Variants in DNAH12 observed in about 807,000 individuals in gnomAD.
DNAH12 encodes the protein dynein axonemal heavy chain 12.
DNAH12 carries 285 observed loss-of-function variants against 371.5 expected under a neutral mutation model. The ratio of observed to expected loss-of-function variants is 0.77; its 90% CI spans 0.70 to 0.85. The LOEUF (loss-of-function observed/expected upper bound fraction) is 0.85. Among genes scored for constraint, DNAH12 ranks in the 40% least tolerant of loss-of-function variants. The probability of loss-of-function intolerance (pLI) is 0.00; values close to 1 mark genes in which losing one functional copy is unlikely to be tolerated. For synonymous variants in DNAH12, 1,200 were observed against 1,213.0 expected (o/e 0.99, Z 0.22); for missense variants, 3,611 against 3,689.4 (o/e 0.98, Z 0.55).
intron 69 of DNAH12, among the ~76,000 whole-genome samples, chr3:57,305,357 C>T (rs62252003): frequency 0.13 from 20,347 of 151,940 alleles, 1,824 homozygotes; most frequent in Non-Finnish European, 0.2. Flanking sequence ...GGCTGCTCCT[C>T]GCCAGGCCGA....
At chr3:57,443,814 A>G (rs181564072) in intron 29 of DNAH12, among the ~76,000 whole-genome samples, 7 of 152,348 alleles carry the variant, frequency 4.6e-5, no homozygotes, top group African/African-American at 1.7e-4. Context: ...AAAATACACA[A>G]TAGTATTTAG....
At chr3:57,495,208 G>A (rs886591656) in intron 11 of DNAH12, among the ~76,000 whole-genome samples, 1 of 152,086 alleles carries the variant, frequency 6.6e-6, no homozygotes, top group African/African-American at 2.4e-5. Flanking sequence ...TCTCAATAAA[G>A]TTGTTTTGTA....
chr3:57,390,424 A>AAAAAAATATATATATAT, intron 45 of DNAH12, among the ~76,000 whole-genome samples: 1 of 33,416 alleles, frequency 3.0e-5, no homozygotes, highest in Non-Finnish European at 7.0e-5. Flanking sequence ...AAAAAAAAAA[A>AAAAAAATATATATATAT]ATATATATAT....
At chr3:57,546,518 T>C (rs1040860440), upstream of DNAH12, among the ~76,000 whole-genome samples, 1 of 152,118 alleles carries the variant, frequency 6.6e-6, no homozygotes, top group Non-Finnish European at 1.5e-5. Context: ...TTTTTAAAAA[T>C]ATTTTGTTGG....
At chr3:57,337,397 C>A (rs782534750) in intron 60 of DNAH12, among the ~76,000 whole-genome samples, 3 of 152,164 alleles carry the variant, frequency 2.0e-5, no homozygotes, top group Non-Finnish European at 4.4e-5. Flanking sequence ...CGGTGGCTCA[C>A]GCCTGTAATC....
chr3:57,472,054 G>A (rs1185757883), intron 14 of DNAH12, among the ~76,000 whole-genome samples: 1 of 152,104 alleles, frequency 6.6e-6, no homozygotes, highest in Non-Finnish European at 1.5e-5. Context: ...TGAAGGCCAT[G>A]CTTTTTATTA....
At chr3:57,329,051 G>A (rs2062023455) in intron 62 of DNAH12, among the ~76,000 whole-genome samples, 1 of 148,496 alleles carries the variant, frequency 6.7e-6, no homozygotes, top group South Asian at 2.2e-4. Context: ...ACTGCTCAAT[G>A]AAATTAAAGA....
In DNAH12 at chr3:57,497,838, G is replaced by A. The variant is rs539501427; in HGVS notation, c.1335+3483C>T. On this transcript the variant is annotated intron_variant, in intron 11 of 73. Transcript: ENST00000495027. The stretch of plus-strand genomic sequence containing the variant: ...AAAGACATTGTTATAAAAATAAAAT[G>A]TCAAGGCATAAACTATGAGATAATA... Among the ~76,000 whole-genome samples, 4 of 152,192 alleles carry A rather than the reference G, an allele frequency of 2.6e-5. No homozygotes were observed. In the East Asian group the frequency reaches 5.8e-4, roughly 22 times the overall value.
chr3:57,547,821 C>A (rs1200035455), upstream of DNAH12, among the ~76,000 whole-genome samples: 6 of 152,136 alleles, frequency 3.9e-5, no homozygotes, highest in Non-Finnish European at 8.8e-5. Flanking sequence ...GATAAATTAG[C>A]AATTTTAAGT....
chr3:57,545,324 C>CT (rs745384362), upstream of DNAH12, among the ~76,000 whole-genome samples: 169 of 134,196 alleles, frequency 1.3e-3, no homozygotes, highest in South Asian at 7.5e-3. Flanking sequence ...TTTTTCTTTT[C>CT]TTTTTTTTTT....
intron 36 of DNAH12, among the ~76,000 whole-genome samples, 181 bp downstream of exon 36, chr3:57,421,337 A>T (rs2064572969): frequency 6.6e-6 from 1 of 152,198 alleles, no homozygotes. Context: ...AATTATAAAA[A>T]TATTATTAAA....
At chr3:57,484,678 A>C (rs1342945742) in intron 12 of DNAH12, among the ~76,000 whole-genome samples, 1 of 152,162 alleles carries the variant, frequency 6.6e-6, no homozygotes, top group Non-Finnish European at 1.5e-5. Flanking sequence ...CAAAAACAAA[A>C]ATAAATAAAT....
At chr3:57,446,807 T>C in intron 25 of DNAH12, 118 bp from the exon 26 acceptor site, 1 of 1,061,214 alleles carries the variant, frequency 9.4e-7, no homozygotes, top group Non-Finnish European at 1.2e-6. Context: ...ATTATATAAT[T>C]ACATTGTTTA....
Position 57,478,832 on chromosome 3 carries a change from T to G in DNAH12, c.1650+4544A>C, listed in dbSNP as rs553977525. ...TCATATCCAGCCAAACTAAGCTTCATAAGTGAAGGAGAAATAAAATACTTT... is the reference window on the plus strand; with the variant it reads ...TCATATCCAGCCAAACTAAGCTTCAGAAGTGAAGGAGAAATAAAATACTTT... On this transcript the variant is annotated intron_variant, in intron 13 of 73. Transcript: ENST00000495027. 3.1e-4 allele frequency among the ~76,000 whole-genome samples: 47 copies of G among 152,196 alleles called. No homozygotes were observed. In the South Asian group the frequency reaches 4.2e-3, roughly 13 times the overall value.
chr3:57,543,323 T>TTG (rs1162005018), intron 1 of DNAH12, among the ~76,000 whole-genome samples: 1 of 137,410 alleles, frequency 7.3e-6, no homozygotes, highest in Non-Finnish European at 1.6e-5. Flanking sequence ...TGGTTTTTTT[T>TTG]TTTTTTTTTT....
chr3:57,548,610 G>A (rs570268743), upstream of DNAH12, among the ~76,000 whole-genome samples: 2 of 152,128 alleles, frequency 1.3e-5, no homozygotes, highest in South Asian at 2.1e-4. Flanking sequence ...GCAGACTGAG[G>A]GGGGAGGATC....
At chr3:57,555,457 G>A in the DNAH12 span, among the ~76,000 whole-genome samples, 1 of 152,060 alleles carries the variant, frequency 6.6e-6, no homozygotes, top group Admixed American at 6.6e-5. Flanking sequence ...AGGATCGCAC[G>A]AGCCCTGGAG....
intron 13 of DNAH12, among the ~76,000 whole-genome samples, chr3:57,476,297 G>T (rs977604191): frequency 1.1e-4 from 16 of 152,286 alleles, no homozygotes; most frequent in Non-Finnish European, 1.6e-4. Context: ...CAGGCGCAGT[G>T]GCTCATGCCT....
At chr3:57,350,068 A>G (rs2153320661) in intron 60 of DNAH12, among the ~76,000 whole-genome samples, 1 of 152,330 alleles carries the variant, frequency 6.6e-6, no homozygotes, top group East Asian at 1.9e-4. Flanking sequence ...TCTCACTCAT[A>G]TATGGGAGCT....
Sources: allele counts gnomAD v4.1 joint callset (sites outside exome capture counted in the v4.1 genomes callset), GRCh38; gene constraint gnomAD v4.1.1; transcripts MANE v1.5; gene names NCBI Gene and HGNC (gene_info 2026-07-23, HGNC 2026-07-21).